Variants in POLR3B observed in about 807,000 individuals in gnomAD.
POLR3B encodes the protein DNA-directed RNA polymerase III subunit RPC2.
In POLR3B, 96 loss-of-function variants were observed where a neutral mutation model predicts 147.4. That is an observed-to-expected ratio of 0.65 (90% CI 0.55 to 0.77). The LOEUF is 0.77. POLR3B is among the 30% of genes least tolerant of loss of function. The probability of loss-of-function intolerance (pLI) is 0.00; values close to 1 mark genes in which losing one functional copy is unlikely to be tolerated. For synonymous variants in POLR3B, 461 were observed against 485.9 expected (o/e 0.95, Z 0.67); for missense variants, 1,036 against 1,413.5 (o/e 0.73, Z 4.28).
chr12:106,484,983 G>A (rs2038318634), intron 23 of POLR3B, among the ~76,000 whole-genome samples: 1 of 152,180 alleles, frequency 6.6e-6, no homozygotes, highest in South Asian at 2.1e-4. Context: ...TTGGCTAAAA[G>A]AAAGGAGATT....
intron 9 of POLR3B, 33 bp from the exon 10 acceptor site, chr12:106,392,998 C>T (rs2036930719): frequency 6.2e-7 from 1 of 1,613,488 alleles, no homozygotes. Flanking sequence ...AACACAAAGC[C>T]AACACTCTTT....
chr12:106,464,839 G>A (rs1486127312), intron 23 of POLR3B, among the ~76,000 whole-genome samples: 1 of 152,090 alleles, frequency 6.6e-6, no homozygotes, highest in Non-Finnish European at 1.5e-5. Context: ...TCTTGGTCAG[G>A]TATACCCAGC....
At chr12:106,498,747 A>T (rs1167217997) in intron 25 of POLR3B, among the ~76,000 whole-genome samples, 3 of 152,186 alleles carry the variant, frequency 2.0e-5, no homozygotes, top group African/African-American at 7.2e-5. Flanking sequence ...CACCATGCCC[A>T]GCTAGTTTTT....
chr12:106,375,358 C>A (rs897602835), intron 6 of POLR3B, among the ~76,000 whole-genome samples: 5 of 152,120 alleles, frequency 3.3e-5, no homozygotes, highest in Non-Finnish European at 5.9e-5. Context: ...GGATTTATGG[C>A]TTTCATATGT....
At chr12:106,477,734 C>T (rs543077053) in intron 23 of POLR3B, among the ~76,000 whole-genome samples, 13 of 152,152 alleles carry the variant, frequency 8.5e-5, no homozygotes, top group Admixed American at 4.6e-4. Flanking sequence ...GCGCAGGGTA[C>T]GCGCACCCAC....
intron 10 of POLR3B, among the ~76,000 whole-genome samples, chr12:106,396,403 A>T (rs1460350727): frequency 6.6e-6 from 1 of 152,162 alleles, no homozygotes. Flanking sequence ...TGGCCTTTTA[A>T]TGGGAAAGAT....
At chr12:106,479,398 T>G (rs1024765879) in intron 23 of POLR3B, among the ~76,000 whole-genome samples, 10 of 150,036 alleles carry the variant, frequency 6.7e-5, no homozygotes, top group Admixed American at 1.3e-4. Flanking sequence ...TTTTTTTTTT[T>G]GAGACAGAGT....
intron 9 of POLR3B, among the ~76,000 whole-genome samples, chr12:106,384,653 A>G (rs2036810305): frequency 6.6e-6 from 1 of 152,110 alleles, no homozygotes; most frequent in African/African-American, 2.4e-5. Flanking sequence ...ATTGCAGTAT[A>G]AGATGGCCCC....
At chr12:106,418,870 A>G (rs2037338806) in intron 12 of POLR3B, among the ~76,000 whole-genome samples, 1 of 152,212 alleles carries the variant, frequency 6.6e-6, no homozygotes, top group South Asian at 2.1e-4. Flanking sequence ...AAATTTAATA[A>G]TGAGGCAGTA....
Position 106,376,343 on chromosome 12 carries a change from G to T in POLR3B, c.405-16G>T. 2 of 1,576,776 alleles carry T rather than the reference G, an allele frequency of 1.3e-6. No homozygotes were observed. Among genetic ancestry groups the T allele is most frequent in the East Asian group, 2.2e-5 (1 of 44,658 alleles). ...CAGCCTACATGTGATATTTTCTTTT[G>T]TTTTATTTTATACAGAATGCCCATA... On this transcript the variant is annotated splice_polypyrimidine_tract_variant and intron_variant, in intron 6 of 27. Transcript: ENST00000228347.
chr12:106,460,702 C>T (rs977703521), intron 22 of POLR3B, among the ~76,000 whole-genome samples: 4 of 152,070 alleles, frequency 2.6e-5, no homozygotes, highest in African/African-American at 7.3e-5. Context: ...TTTTTCTGTG[C>T]GAAGTTCATC....
At chr12:106,404,048 G>A (rs959280694) in intron 10 of POLR3B, among the ~76,000 whole-genome samples, 3 of 150,994 alleles carry the variant, frequency 2.0e-5, no homozygotes, top group Non-Finnish European at 4.4e-5. Flanking sequence ...CAAAATGATT[G>A]TACCATTTTG....
Position 106,384,322 on chromosome 12 carries a change from C to G in POLR3B, c.723+4183C>G, listed in dbSNP as rs151179667. On this transcript the variant is annotated intron_variant, in intron 9 of 27. Coordinates refer to ENST00000228347, the MANE Select transcript of POLR3B (RefSeq NM_018082.6). ...ACAGTTAAATTGTCGTATTAGTTAT[C>G]AAGCAAAATAAAAAAATAGTTGGCA... 5.8e-4 allele frequency among the ~76,000 whole-genome samples: 89 copies of G among 152,254 alleles called. 2 individuals are homozygous for G. Among genetic ancestry groups the G allele is most frequent in the African/African-American group, 2.0e-3 (85 of 41,566 alleles).
At chr12:106,400,874 G>C (rs943787808) in intron 10 of POLR3B, among the ~76,000 whole-genome samples, 1 of 152,134 alleles carries the variant, frequency 6.6e-6, no homozygotes, top group African/African-American at 2.4e-5. Context: ...GAGAAAGCAG[G>C]AAAGATCTAA....
chr12:106,503,308 CCTT>C (rs2038631950), intron 26 of POLR3B, among the ~76,000 whole-genome samples: 1 of 152,134 alleles, frequency 6.6e-6, no homozygotes, highest in South Asian at 2.1e-4. Flanking sequence ...CCTGTGTTCA[CCTT>C]CTTAATTCTT....
intron 1 of POLR3B, among the ~76,000 whole-genome samples, chr12:106,361,510 A>C (rs1331221241): frequency 6.6e-6 from 1 of 152,200 alleles, no homozygotes; most frequent in Non-Finnish European, 1.5e-5. Flanking sequence ...GCCCATACCC[A>C]GTAGCTTACT....
chr12:106,369,339 T>TC lies in POLR3B; in HGVS notation c.296dup (p.His100SerfsTer2), dbSNP rs768881912. The TC allele has an allele frequency of 1.3e-6, 2 of 1,571,348 alleles. No homozygotes were observed. The highest frequency in any genetic ancestry group is 1.7e-5 in the Admixed American group (1 of 59,976). ...AAGCTTCAATGTAACTAGACCAGTG[T>TC]CCCCTCATGAGGTAATTATGAACCT... On this transcript the variant is annotated frameshift_variant, in exon 5 of 28. Coordinates refer to ENST00000228347, the MANE Select transcript of POLR3B (RefSeq NM_018082.6). LOFTEE classifies it high-confidence loss of function.
chr12:106,401,425 C>G (rs934351078), intron 10 of POLR3B, among the ~76,000 whole-genome samples: 1 of 152,110 alleles, frequency 6.6e-6, no homozygotes, highest in African/African-American at 2.4e-5. Flanking sequence ...CTGTTCCAAT[C>G]AATAGAAAAA....
At chr12:106,467,980 G>A (rs2038030364) in intron 23 of POLR3B, among the ~76,000 whole-genome samples, 1 of 152,192 alleles carries the variant, frequency 6.6e-6, no homozygotes, top group African/African-American at 2.4e-5. Context: ...ATGAGTTAGG[G>A]AGGATTCCCT....
Sources: gnomAD v4.1 joint callset for allele counts (sites outside exome capture counted in the v4.1 genomes callset) on GRCh38, gnomAD v4.1.1 for gene constraint, MANE v1.5 for transcripts, NCBI Gene and HGNC (gene_info 2026-07-23, HGNC 2026-07-21) for gene names.